TMEM120B: variants seen among roughly 807,000 people sequenced by gnomAD.
TMEM120B encodes transmembrane protein 120B.
Under a neutral mutation model 55.5 loss-of-function variants are expected in TMEM120B, and 31 were observed. The observed-to-expected ratio is 0.56, with a 90% confidence interval of 0.42 to 0.75. The LOEUF (loss-of-function observed/expected upper bound fraction) is 0.75. TMEM120B is among the 30% of genes least tolerant of loss of function. The pLI is 0.00. For synonymous variants in TMEM120B, 203 were observed against 176.3 expected (o/e 1.15, Z -1.20); for missense variants, 399 against 425.5 (o/e 0.94, Z 0.55).
intron 1 of TMEM120B, among the ~76,000 whole-genome samples, chr12:121,714,557 C>CTTT (rs897759057): frequency 2.4e-3 from 244 of 100,058 alleles, no homozygotes; most frequent in Non-Finnish European, 3.1e-3. Flanking sequence ...TCAGCCACTT[C>CTTT]TTTTTTTTTT....
intron 1 of TMEM120B, among the ~76,000 whole-genome samples, chr12:121,723,095 G>A (rs1435140583): frequency 6.6e-6 from 1 of 152,012 alleles, no homozygotes; most frequent in Non-Finnish European, 1.5e-5. Flanking sequence ...TGATCCGCCT[G>A]CCTCGCCTCC....
intron 1 of TMEM120B, among the ~76,000 whole-genome samples, chr12:121,742,106 G>A (rs1171192103): frequency 1.3e-5 from 2 of 150,820 alleles, no homozygotes; most frequent in African/African-American, 2.4e-5. Flanking sequence ...AGATTCAAAC[G>A]ATTCTCCTGT....
At chr12:121,719,828 G>A (rs961711224) in intron 1 of TMEM120B, among the ~76,000 whole-genome samples, 2 of 152,058 alleles carry the variant, frequency 1.3e-5, no homozygotes, top group African/African-American at 4.8e-5. Flanking sequence ...CTGAGTAGCT[G>A]TAGCTAGGAC....
intron 1 of TMEM120B, among the ~76,000 whole-genome samples, chr12:121,741,413 T>C (rs1408972626): frequency 6.6e-6 from 1 of 152,188 alleles, no homozygotes; most frequent in Non-Finnish European, 1.5e-5. Context: ...CACCACAACC[T>C]GTGCCTCCCG....
intron 1 of TMEM120B, among the ~76,000 whole-genome samples, chr12:121,717,720 C>T (rs1298697860): frequency 5.3e-5 from 8 of 152,168 alleles, no homozygotes; most frequent in South Asian, 2.1e-4. Context: ...TGCAGTGGCT[C>T]GATCTCAGCT....
At chr12:121,734,196 G>A (rs1165947486) in intron 1 of TMEM120B, among the ~76,000 whole-genome samples, 1 of 151,522 alleles carries the variant, frequency 6.6e-6, no homozygotes, top group Non-Finnish European at 1.5e-5. Context: ...GCCTTTTCTG[G>A]GAAAACTTGA....
chr12:121,737,400 G>T (rs1028028274), intron 1 of TMEM120B, among the ~76,000 whole-genome samples: 4 of 152,086 alleles, frequency 2.6e-5, no homozygotes, highest in Admixed American at 2.0e-4. Flanking sequence ...AGCTACTCGG[G>T]AGGCTGAGGC....
chr12:121,754,798 C>G (rs1453741335), intron 5 of TMEM120B, among the ~76,000 whole-genome samples: 3 of 152,192 alleles, frequency 2.0e-5, no homozygotes, highest in African/African-American at 7.2e-5. Flanking sequence ...TGGAAGGATG[C>G]TATTCAACCC....
chr12:121,723,646 G>A (rs1218039099), intron 1 of TMEM120B, among the ~76,000 whole-genome samples: 1 of 152,152 alleles, frequency 6.6e-6, no homozygotes, highest in African/African-American at 2.4e-5. Flanking sequence ...CAGTTCCTAG[G>A]GATCAGCCTC....
chr12:121,767,189 C>G (rs1329928460), intron 6 of TMEM120B, among the ~76,000 whole-genome samples: 1 of 152,206 alleles, frequency 6.6e-6, no homozygotes, highest in Non-Finnish European at 1.5e-5. Context: ...GAGATGGAGT[C>G]TCGCTCTGTC....
chr12:121,737,109 T>G (rs932479478), intron 1 of TMEM120B, among the ~76,000 whole-genome samples: 3 of 152,158 alleles, frequency 2.0e-5, no homozygotes, highest in Admixed American at 2.0e-4. Flanking sequence ...TGCCATATTC[T>G]ATTGTCAGAC....
At chr12:121,771,451 T>C in intron 7 of TMEM120B, 37 bp from the exon 8 acceptor site, 1 of 1,575,962 alleles carries the variant, frequency 6.3e-7, no homozygotes, top group Non-Finnish European at 8.7e-7. Flanking sequence ...CATTTCATAG[T>C]GGGCCCCACC....
chr12:121,767,185 G>A (rs376322655), intron 6 of TMEM120B, among the ~76,000 whole-genome samples: 1 of 152,182 alleles, frequency 6.6e-6, no homozygotes, highest in Non-Finnish European at 1.5e-5. Context: ...GTTTGAGATG[G>A]AGTCTCGCTC....
intron 9 of TMEM120B, 35 bp downstream of exon 9, chr12:121,773,548 G>A (rs754371941): frequency 1.3e-6 from 2 of 1,506,420 alleles, no homozygotes; most frequent in Non-Finnish European, 9.0e-7. Context: ...GCCGGGGCAG[G>A]TACTGGACCT....
At chr12:121,722,392 C>T (rs912856511) in intron 1 of TMEM120B, among the ~76,000 whole-genome samples, 3 of 152,140 alleles carry the variant, frequency 2.0e-5, no homozygotes, top group Admixed American at 1.3e-4. Context: ...CCACTGTGCC[C>T]GGCCTCCATT....
intron 1 of TMEM120B, among the ~76,000 whole-genome samples, chr12:121,735,369 C>G (rs1416983277): frequency 6.6e-6 from 1 of 151,644 alleles, no homozygotes; most frequent in South Asian, 2.1e-4. Context: ...AATAAAGTTG[C>G]AAGCATAATT....
Position 121,780,887 on chromosome 12 carries a change from G to A in TMEM120B, c.*5165G>A. 6.2e-7 allele frequency: 1 copy of A among 1,613,600 alleles called. No homozygotes were observed. The highest frequency in any genetic ancestry group is 8.5e-7 in the Non-Finnish European group (1 of 1,179,900). On this transcript the variant is annotated 3_prime_UTR_variant, in exon 12 of 12. Coordinates refer to ENST00000449592, the MANE Select transcript of TMEM120B (RefSeq NM_001080825.2). ...CCCGGCCCACCTGCATGTAGGTGATGGGCTCCAGCTGGGCGGCCCGGAGCT... is the reference window on the plus strand; with the variant it reads ...CCCGGCCCACCTGCATGTAGGTGATAGGCTCCAGCTGGGCGGCCCGGAGCT...
chr12:121,780,596 GC>G lies in TMEM120B; in HGVS notation c.*4877del. ...GGCTCCACTTCTCGCTAGCTGTGTG[GC>G]CCTGGGCAAGCTGCTTAACCTCTCT... On this transcript the variant is annotated 3_prime_UTR_variant, in exon 12 of 12. Transcript: ENST00000449592. 1 of 539,288 alleles carries G rather than the reference GC, an allele frequency of 1.9e-6. No individual in the cohort carries two copies. The highest frequency in any genetic ancestry group is 3.3e-6 in the Non-Finnish European group (1 of 307,204). The allele number at this position is 539,288 out of a possible 1,614,324, so 33.4% of individuals were successfully genotyped here.
In TMEM120B at chr12:121,779,640, A is replaced by G; in HGVS notation, c.*3918A>G. On this transcript the variant is annotated 3_prime_UTR_variant, in exon 12 of 12. Transcript: ENST00000449592. Reference sequence around the variant, plus strand: ...ACATTCCAGGTAGAGAGCAGCTCGGATCTGTTCGCAGGCGCTCAGGCCCTG... The same window carrying G: ...ACATTCCAGGTAGAGAGCAGCTCGGGTCTGTTCGCAGGCGCTCAGGCCCTG... 6.2e-7 allele frequency: 1 copy of G among 1,614,056 alleles called. No individual in the cohort carries two copies. Among genetic ancestry groups the G allele is most frequent in the South Asian group, 1.1e-5 (1 of 91,084 alleles).
Sources: allele counts gnomAD v4.1 joint callset (sites outside exome capture counted in the v4.1 genomes callset), GRCh38; gene constraint gnomAD v4.1.1; transcripts MANE v1.5; gene names NCBI Gene and HGNC (gene_info 2026-07-23, HGNC 2026-07-21).